SLF1: variants seen among roughly 807,000 people sequenced by gnomAD.
The protein encoded by SLF1 is SMC5/6 complex localization factor 1.
In SLF1, 105 loss-of-function variants were observed where a neutral mutation model predicts 123.0. That is an observed-to-expected ratio of 0.85 (90% confidence interval 0.73 to 1.00). The LOEUF is 1.00. SLF1 is among the 50% of genes least tolerant of loss of function. SLF1 has a pLI of 0.00. For missense variants in SLF1, 1,239 were observed against 1,223.0 expected (o/e 1.01, Z -0.20); for synonymous variants, 434 against 406.6 (o/e 1.07, Z -0.81).
At chr5:94,676,060 C>T (rs1751023125) in intron 14 of SLF1, among the ~76,000 whole-genome samples, 2 of 151,858 alleles carry the variant, frequency 1.3e-5, no homozygotes, top group Admixed American at 6.6e-5. Flanking sequence ...TTACTATACC[C>T]TTGAGATGGA....
rs1008149756 is a variant in SLF1 at position 94,653,502 on chromosome 5, A to G, written c.1032+81A>G. The G allele has an allele frequency of 5.4e-5, 65 of 1,210,372 alleles. No individual in the cohort carries two copies. The African/African-American group carries it at 9.3e-4, about 17-fold the overall frequency. 75.0% of individuals were successfully genotyped at this position (1,210,372 alleles called of 1,614,324 possible). On this transcript the variant is annotated intron_variant, in intron 8 of 20. Transcript: ENST00000265140. ...ATATAATCTAGATATATAATGCTAC[A>G]TGTTTTAAGAAAAAATCTTGAGTCA...
intron 1 of SLF1, among the ~76,000 whole-genome samples, chr5:94,627,891 G>A (rs1281172928): frequency 3.3e-5 from 5 of 150,532 alleles, no homozygotes; most frequent in African/African-American, 9.8e-5. Context: ...GTGCAATCGC[G>A]TGATCTCGCC....
In SLF1 at chr5:94,666,026, T is replaced by G. The variant is rs1410257987; in HGVS notation, c.1532+2T>G. On this transcript the variant is annotated splice_donor_variant, in intron 12 of 20. Coordinates refer to ENST00000265140, the MANE Select transcript of SLF1 (RefSeq NM_032290.4). LOFTEE classifies it high-confidence loss of function. The stretch of plus-strand genomic sequence containing the variant: ...GTCTTTAGTAGAAGTCCTTATCAGG[T>G]AAGGAATTTCACATTTGACGATGCT... 1 of 1,542,984 alleles carries G rather than the reference T, an allele frequency of 6.5e-7. No homozygotes were observed. Among genetic ancestry groups the G allele is most frequent in the East Asian group, 2.5e-5 (1 of 40,784 alleles).
intron 14 of SLF1, among the ~76,000 whole-genome samples, chr5:94,677,521 T>C (rs1053413695): frequency 6.6e-6 from 1 of 152,210 alleles, no homozygotes; most frequent in African/African-American, 2.4e-5. Context: ...AATATATGCC[T>C]AATATGGGAT....
chr5:94,692,149 G>T lies in SLF1; in HGVS notation c.2588G>T (p.Arg863Leu), dbSNP rs1561481170. 1 of 1,613,888 alleles carries T rather than the reference G, an allele frequency of 6.2e-7. No individual in the cohort carries two copies. The change falls in exon 20 of 21, where the codon CGT (arginine) becomes CTT (leucine). Residue 863 changes from arginine to leucine, a missense_variant. Transcript: ENST00000265140. ...GTGTGTGTCCAGGAAATTTTGCAACGTTGTCCAGAGGTAGATCTGCTCACT... is the reference window on the plus strand; with the variant it reads ...GTGTGTGTCCAGGAAATTTTGCAACTTTGTCCAGAGGTAGATCTGCTCACT... ...NTVCVQEILQRCPEVDLLTQV... is the reference protein window; with the variant it reads ...NTVCVQEILQLCPEVDLLTQV...
At chr5:94,681,955 C>A (rs1050917994) in intron 15 of SLF1, among the ~76,000 whole-genome samples, 3 of 152,160 alleles carry the variant, frequency 2.0e-5, no homozygotes, top group African/African-American at 4.8e-5. Context: ...ATGTTTAAAA[C>A]TTTTAAATTG....
intron 1 of SLF1, among the ~76,000 whole-genome samples, chr5:94,623,981 T>C (rs925972783): frequency 8.5e-5 from 13 of 152,166 alleles, no homozygotes; most frequent in Admixed American, 5.9e-4. Flanking sequence ...TAAAAAAGCA[T>C]TGCTAAATGT....
chr5:94,690,161 T>A (rs1752914388), intron 18 of SLF1, among the ~76,000 whole-genome samples: 1 of 152,192 alleles, frequency 6.6e-6, no homozygotes, highest in Non-Finnish European at 1.5e-5. Flanking sequence ...AGCATAATAA[T>A]TCACTTTGGC....
intron 15 of SLF1, 101 bp from the exon 16 acceptor site, chr5:94,686,472 A>T: frequency 7.9e-7 from 1 of 1,264,284 alleles, no homozygotes; most frequent in Non-Finnish European, 1.1e-6. Flanking sequence ...TAGGTGTAAG[A>T]GCTCTCATTT....
At position 94,630,514 on chromosome 5, in the gene SLF1, C is replaced by A. The variant is rs781072412; in HGVS notation, c.202C>A (p.Leu68Ile). 6.5e-7 allele frequency: 1 copy of A among 1,547,150 alleles called. No homozygotes were observed. The highest frequency in any genetic ancestry group is 1.4e-5 in the African/African-American group (1 of 72,960). ...CATTTGCTTTCTAGGAAAGTGGATA[C>A]TAACCAAGGACTATATAATTCATAG... ...LAACAAGKWI[L>I]TKDYIIHSAK... The change falls in exon 4 of 21, where the codon CTA becomes ATA. Residue 68 changes from leucine (L) to isoleucine (I), a missense_variant. Physicochemically the swap from Leu to Ile is conservative, Grantham distance 5. Coordinates refer to ENST00000265140, the MANE Select transcript of SLF1 (RefSeq NM_032290.4).
chr5:94,637,382 T>TA (rs1745936782), intron 4 of SLF1, among the ~76,000 whole-genome samples: 1 of 152,108 alleles, frequency 6.6e-6, no homozygotes, highest in Non-Finnish European at 1.5e-5. Flanking sequence ...TGCTGTTAGA[T>TA]AAAACCACTG....
rs566947481 is a variant in SLF1, at chr5:94,631,930, A to T, written c.431+1187A>T. The stretch of plus-strand genomic sequence containing the variant: ...CCAGAGTCTTAGATCAGCCTGGGCA[A>T]CATGGCGAGATGCTGTCTCTACAAA... On this transcript the variant is annotated intron_variant, in intron 4 of 20. Coordinates refer to ENST00000265140, the MANE Select transcript of SLF1 (RefSeq NM_032290.4). Among the ~76,000 whole-genome samples, 4 of 151,822 alleles carry T rather than the reference A, an allele frequency of 2.6e-5. No homozygotes were observed. In the South Asian group the frequency reaches 6.3e-4, roughly 24 times the overall value.
At chr5:94,643,753 C>T (rs1356438624) in intron 5 of SLF1, among the ~76,000 whole-genome samples, 2 of 152,038 alleles carry the variant, frequency 1.3e-5, no homozygotes, top group Non-Finnish European at 2.9e-5. Context: ...GAAAAGAGAG[C>T]TATTTCTAAG....
chr5:94,638,336 G>A (rs546985103), intron 4 of SLF1, among the ~76,000 whole-genome samples: 12 of 152,082 alleles, frequency 7.9e-5, no homozygotes, highest in South Asian at 2.1e-4. Flanking sequence ...CCGCCACCAC[G>A]CCAGCTAATT....
Position 94,649,481 on chromosome 5 carries a change from C to T in SLF1, c.622C>T (p.Gln208Ter). 1 of 1,508,346 alleles carries T rather than the reference C, an allele frequency of 6.6e-7. No homozygotes were observed. Among genetic ancestry groups the T allele is most frequent in the South Asian group, 1.3e-5 (1 of 77,736 alleles). 93.4% of individuals were successfully genotyped at this position (1,508,346 alleles called of 1,614,324 possible). Residue 208 changes from glutamine to a stop codon, truncating the protein, a stop_gained, in exon 6 of 21, where the codon CAA (glutamine) becomes TAA (stop). Coordinates refer to ENST00000265140, the MANE Select transcript of SLF1 (RefSeq NM_032290.4). LOFTEE classifies it high-confidence loss of function. ...EKEIQNDEDS[Q>*]TNSVWTEHSN... The stretch of plus-strand genomic sequence containing the variant: ...AGAAATTCAGAATGATGAAGATTCC[C>T]AAACCAATTCTGTTTGGACTGAACA...
At chr5:94,624,321 A>G (rs1204002185) in intron 1 of SLF1, among the ~76,000 whole-genome samples, 1 of 152,158 alleles carries the variant, frequency 6.6e-6, no homozygotes, top group South Asian at 2.1e-4. Context: ...GATTTCTGCT[A>G]TTATGCAGTT....
intron 1 of SLF1, among the ~76,000 whole-genome samples, chr5:94,626,252 CAAAA>C (rs563542719): frequency 3.4e-5 from 2 of 58,380 alleles, no homozygotes. Context: ...GACTCCATCT[CAAAA>C]AAAAAAAAAA....
chr5:94,690,583 A>G (rs1168482611), intron 18 of SLF1, among the ~76,000 whole-genome samples: 3 of 152,172 alleles, frequency 2.0e-5, no homozygotes, highest in East Asian at 1.9e-4. Flanking sequence ...AAAAACTTCA[A>G]AAGCTTTTTA....
Position 94,692,158 on chromosome 5 carries a change from A to G in SLF1, c.2597A>G (p.Glu866Gly). 1 of 1,613,954 alleles carries G rather than the reference A, an allele frequency of 6.2e-7. No individual in the cohort carries two copies. Among genetic ancestry groups the G allele is most frequent in the South Asian group, 1.1e-5 (1 of 91,078 alleles). Residue 866 changes from glutamate to glycine, a missense_variant, in exon 20 of 21, where the codon GAG becomes GGG. Physicochemically the swap from Glu to Gly is moderately conservative, Grantham distance 98 (BLOSUM62 -2). Transcript: ENST00000265140. ...CAGGAAATTTTGCAACGTTGTCCAG[A>G]GGTAGATCTGCTCACTCAAGTGGAC... ...CVQEILQRCP[E>G]VDLLTQVDGV...
Sources: gnomAD v4.1 joint callset for allele counts (sites outside exome capture counted in the v4.1 genomes callset) on GRCh38, gnomAD v4.1.1 for gene constraint, MANE v1.5 for transcripts, NCBI Gene and HGNC (gene_info 2026-07-23, HGNC 2026-07-21) for gene names.